Variants in ANXA10 observed in about 807,000 individuals in gnomAD.
ANXA10 encodes annexin A10.
ANXA10 carries 49 observed loss-of-function variants against 53.5 expected under a neutral mutation model. The observed-to-expected ratio is 0.92, with a 90% CI of 0.73 to 1.16. The LOEUF (loss-of-function observed/expected upper bound fraction) is 1.16. Among genes scored for constraint, ANXA10 ranks in the 50% most tolerant of loss-of-function variants. The probability of loss-of-function intolerance (pLI) is 0.00; values close to 1 mark genes in which losing one functional copy is unlikely to be tolerated. For synonymous variants in ANXA10, 131 were observed against 128.9 expected, an observed-to-expected ratio of 1.02 and a Z score of -0.11; for missense variants, 393 against 394.4, an observed-to-expected ratio of 1.00 and a Z score of 0.03.
At chr4:168,145,650 A>G (rs1731394384) in intron 3 of ANXA10, among the ~76,000 whole-genome samples, 1 of 152,242 alleles carries the variant, frequency 6.6e-6, no homozygotes, top group Non-Finnish European at 1.5e-5. Flanking sequence ...TCATGCTTAG[A>G]AAAGGTCAGA....
At chr4:168,120,705 T>C (rs1386185236) in intron 1 of ANXA10, among the ~76,000 whole-genome samples, 1 of 152,092 alleles carries the variant, frequency 6.6e-6, no homozygotes, top group Non-Finnish European at 1.5e-5. Context: ...TTTGAATCCA[T>C]CTAAAATTGA....
chr4:168,138,819 A>G (rs977247270), intron 2 of ANXA10, among the ~76,000 whole-genome samples: 6 of 152,130 alleles, frequency 3.9e-5, no homozygotes, highest in African/African-American at 7.2e-5. Flanking sequence ...CCTTGGTTAA[A>G]TGTATTCCTA....
chr4:168,143,142 G>A (rs1362620557), intron 3 of ANXA10, among the ~76,000 whole-genome samples: 1 of 151,912 alleles, frequency 6.6e-6, no homozygotes, highest in Non-Finnish European at 1.5e-5. Context: ...TCCTTGCCCT[G>A]GCTGCTACCA....
chr4:168,165,701 C>T (rs1166197185), intron 6 of ANXA10, among the ~76,000 whole-genome samples: 1 of 151,764 alleles, frequency 6.6e-6, no homozygotes, highest in Non-Finnish European at 1.5e-5. Flanking sequence ...TTTTTTGAGA[C>T]AGTCTCGCTC....
chr4:168,127,499 T>C (rs1004626399), intron 1 of ANXA10, among the ~76,000 whole-genome samples: 1 of 152,102 alleles, frequency 6.6e-6, no homozygotes, highest in African/African-American at 2.4e-5. Flanking sequence ...ATCCCACCAA[T>C]ATGGTACCCT....
intron 6 of ANXA10, among the ~76,000 whole-genome samples, chr4:168,168,521 G>A (rs1283689266): frequency 1.3e-5 from 2 of 152,144 alleles, no homozygotes; most frequent in Non-Finnish European, 2.9e-5. Flanking sequence ...CCTGGTTCAA[G>A]TGATTCTCCT....
In ANXA10 at chr4:168,096,434, A is replaced by G. The variant is rs73864828; in HGVS notation, c.18+3716A>G. Among the ~76,000 whole-genome samples the G allele has an allele frequency of 1.9e-3, 296 of 152,314 alleles. 1 individual carries two copies. Among genetic ancestry groups the G allele is most frequent in the African/African-American group, 6.9e-3 (286 of 41,584 alleles). ...TTTTACTGAAACTTCTGTAGAACTA[A>G]TAAGAGTTGGATTGGAAAAATTAAA... On this transcript the variant is annotated intron_variant, in intron 1 of 11. Coordinates refer to ENST00000359299, the MANE Select transcript of ANXA10 (RefSeq NM_007193.5).
intron 1 of ANXA10, among the ~76,000 whole-genome samples, chr4:168,126,169 C>T (rs557815413): frequency 6.6e-6 from 1 of 152,046 alleles, no homozygotes; most frequent in East Asian, 1.9e-4. Flanking sequence ...GGTATAAATT[C>T]TGGAAAACTC....
chr4:168,106,792 T>C (rs1450325575), intron 1 of ANXA10, among the ~76,000 whole-genome samples: 1 of 152,160 alleles, frequency 6.6e-6, no homozygotes. Flanking sequence ...AAAGTAATTA[T>C]CAGATGTTTT....
intron 6 of ANXA10, among the ~76,000 whole-genome samples, chr4:168,166,429 A>G (rs1461557442): frequency 2.0e-5 from 3 of 152,238 alleles, no homozygotes; most frequent in Admixed American, 2.0e-4. Context: ...TAATACAAAT[A>G]ATATTTTTAA....
chr4:168,135,866 C>T (rs889832065), intron 2 of ANXA10, among the ~76,000 whole-genome samples: 4 of 152,154 alleles, frequency 2.6e-5, no homozygotes, highest in African/African-American at 9.7e-5. Context: ...TCTCACACTA[C>T]TATAAAGAAC....
At chr4:168,180,944 T>C (rs1362870341) in intron 9 of ANXA10, among the ~76,000 whole-genome samples, 1 of 152,184 alleles carries the variant, frequency 6.6e-6, no homozygotes, top group African/African-American at 2.4e-5. Flanking sequence ...TTGTGGTCCA[T>C]AGTTTCCCCT....
At position 168,139,133 on chromosome 4, in the gene ANXA10, T is replaced by C. The variant is rs548016160; in HGVS notation, c.101-353T>C. 2.8e-4 allele frequency among the ~76,000 whole-genome samples: 43 copies of C among 152,312 alleles called. 1 individual carries two copies. The highest frequency in any genetic ancestry group is 3.4e-3 in the Middle Eastern group (1 of 294). ...GCTCCAGCTAGGGCTCCTAGTACTA[T>C]GTTGAATGGGAGTGGAGAAAGGAAA... On this transcript the variant is annotated intron_variant, in intron 2 of 11. Coordinates refer to ENST00000359299, the MANE Select transcript of ANXA10 (RefSeq NM_007193.5).
rs185002363 is a variant in ANXA10, at chr4:168,178,543, C to T, written c.628+560C>T. Among the ~76,000 whole-genome samples, 245 of 152,184 alleles carry T rather than the reference C, an allele frequency of 1.6e-3. 3 individuals carry two copies. The highest frequency in any genetic ancestry group is 2.2e-4 in the Non-Finnish European group (15 of 68,004). On this transcript the variant is annotated intron_variant, in intron 8 of 11. Coordinates refer to ENST00000359299, the MANE Select transcript of ANXA10 (RefSeq NM_007193.5). ...AACAGATGGCCTACCCTACCCCAAT[C>T]CCACATCTAGACTTTACAAGTCAAT...
At chr4:168,099,567 A>G (rs1346146329) in intron 1 of ANXA10, among the ~76,000 whole-genome samples, 1 of 152,138 alleles carries the variant, frequency 6.6e-6, no homozygotes, top group Non-Finnish European at 1.5e-5. Flanking sequence ...TTTTTCATGT[A>G]ACAATGGTTA....
At chr4:168,127,806 A>G in intron 1 of ANXA10, 1 of 493,434 alleles carries the variant, frequency 2.0e-6, no homozygotes, top group Admixed American at 3.4e-5. Flanking sequence ...TCTGGAAAAC[A>G]ATGTTGAAAC....
At chr4:168,119,008 A>C (rs1416012116) in intron 1 of ANXA10, among the ~76,000 whole-genome samples, 1 of 152,176 alleles carries the variant, frequency 6.6e-6, no homozygotes, top group African/African-American at 2.4e-5. Context: ...ACTAGCTGAA[A>C]ATATTTCATA....
intron 3 of ANXA10, among the ~76,000 whole-genome samples, chr4:168,152,465 C>CT (rs1364340725): frequency 6.6e-6 from 1 of 152,092 alleles, no homozygotes; most frequent in Non-Finnish European, 1.5e-5. Context: ...CATGTAAGGA[C>CT]TTTGTCATTT....
chr4:168,093,959 G>T (rs1376404467), intron 1 of ANXA10, among the ~76,000 whole-genome samples: 1 of 152,052 alleles, frequency 6.6e-6, no homozygotes, highest in Admixed American at 6.6e-5. Flanking sequence ...TTGTAAGGTG[G>T]TTATATTTCA....
Sources: gnomAD v4.1 joint callset for allele counts (sites outside exome capture counted in the v4.1 genomes callset) on GRCh38, gnomAD v4.1.1 for gene constraint, MANE v1.5 for transcripts, NCBI Gene and HGNC (gene_info 2026-07-23, HGNC 2026-07-21) for gene names.